ASTN2: variants seen among roughly 807,000 people sequenced by gnomAD.
The protein encoded by ASTN2 is astrotactin 2, also known as astrotactin-2.
In ASTN2, 54 loss-of-function variants were observed where a neutral mutation model predicts 139.8. The observed-to-expected ratio is 0.39, with a 90% CI of 0.31 to 0.48. The LOEUF is 0.48. ASTN2 is among the 20% of genes least tolerant of loss of function. The probability of loss-of-function intolerance (pLI) is 0.95; values close to 1 mark genes in which losing one functional copy is unlikely to be tolerated. For synonymous variants in ASTN2, 756 were observed against 719.5 expected, an observed-to-expected ratio of 1.05 and a Z score of -0.81; for missense variants, 1,565 against 1,725.1, an observed-to-expected ratio of 0.91 and a Z score of 1.64.
At position 116,698,114 on chromosome 9, in the gene ASTN2, G is replaced by T. The variant is rs1006657999; in HGVS notation, c.2806+27657C>A. On this transcript the variant is annotated intron_variant, in intron 16 of 22. Coordinates refer to ENST00000313400, the MANE Select transcript of ASTN2 (RefSeq NM_001365068.1). The surrounding 1 kb of genome is among the most constrained non-coding windows in gnomAD (Gnocchi z 4.4). ...GTTTGGTGTTATGTGAGCCCTGCCG[G>T]GAGGCAGACCATCAGCCTCCTGGCC... 6.2e-7 allele frequency: 1 copy of T among 1,613,964 alleles called. No individual in the cohort carries two copies. The highest frequency in any genetic ancestry group is 8.5e-7 in the Non-Finnish European group (1 of 1,180,046).
In ASTN2 at chr9:116,820,617, C is replaced by A. The variant is rs994598902; in HGVS notation, c.2207G>T (p.Gly736Val). The change falls in exon 12 of 23, where the codon GGT becomes GTT. Residue 736 changes from glycine (G) to valine (V), a missense_variant and splice_region_variant. This residue lies in a region of ASTN2 where 503 missense variants were observed against 591.7 expected (regional missense o/e 0.85). Coordinates refer to ENST00000313400, the MANE Select transcript of ASTN2 (RefSeq NM_001365068.1). Reference protein sequence around the residue: ...ATSSTIFMFCGCVEEYKLAPD... With the variant: ...ATSSTIFMFCVCVEEYKLAPD... The stretch of plus-strand genomic sequence containing the variant: ...CTGGGCCTTGGGGACAGAGACTCAC[C>A]CGCAGAACATGAAGATGGTGCTCGA... 6.2e-7 allele frequency: 1 copy of A among 1,613,142 alleles called. No individual in the cohort carries two copies. The highest frequency in any genetic ancestry group is 8.5e-7 in the Non-Finnish European group (1 of 1,179,526).
chr9:117,361,420 C>T (rs1829689849), intron 1 of ASTN2, among the ~76,000 whole-genome samples: 1 of 152,158 alleles, frequency 6.6e-6, no homozygotes, highest in Non-Finnish European at 1.5e-5. Flanking sequence ...CTGGACAAGT[C>T]ATTTCATTGT....
Position 116,455,660 on chromosome 9 carries a change from A to T in ASTN2, c.3498-13107T>A, listed in dbSNP as rs77669166. 0.013 allele frequency among the ~76,000 whole-genome samples: 1,964 copies of T among 152,146 alleles called. 180 individuals are homozygous for T. The South Asian group carries it at 0.21, about 16-fold the overall frequency. On this transcript the variant is annotated intron_variant, in intron 20 of 22. Coordinates refer to ENST00000313400, the MANE Select transcript of ASTN2 (RefSeq NM_001365068.1). ...AAAAGGTAATTTGGAAAATTCCCTG[A>T]AAGTACTACTACTGGTAAACTCTGA...
At chr9:116,972,715 AAGTTG>A (rs1836244498) in intron 10 of ASTN2, among the ~76,000 whole-genome samples, 1 of 152,170 alleles carries the variant, frequency 6.6e-6, no homozygotes, top group Non-Finnish European at 1.5e-5. Context: ...TTTAACTACT[AAGTTG>A]TTCTGCCTAC....
Position 117,196,803 on chromosome 9 carries a change from C to T in ASTN2, c.1015+17555G>A, listed in dbSNP as rs147136197. On this transcript the variant is annotated intron_variant, in intron 3 of 22. Coordinates refer to ENST00000313400, the MANE Select transcript of ASTN2 (RefSeq NM_001365068.1). The stretch of plus-strand genomic sequence containing the variant: ...AATTATGCATATAAAATGATAACAA[C>T]GATATAGATAAAGACCAGAAGCACC... 9.8e-3 allele frequency among the ~76,000 whole-genome samples: 1,496 copies of T among 152,176 alleles called. 26 individuals carry two copies. The highest frequency in any genetic ancestry group is 0.035 in the African/African-American group (1,435 of 41,506).
chr9:116,483,683 G>T (rs1165274729), intron 20 of ASTN2, among the ~76,000 whole-genome samples: 1 of 152,126 alleles, frequency 6.6e-6, no homozygotes, highest in African/African-American at 2.4e-5. Flanking sequence ...GACGCAGAGA[G>T]GCACAGTAGT....
chr9:117,228,480 C>T (rs1349577515), intron 2 of ASTN2, among the ~76,000 whole-genome samples: 5 of 152,018 alleles, frequency 3.3e-5, no homozygotes, highest in African/African-American at 1.2e-4. Flanking sequence ...TCAGGATCTC[C>T]CCTACCGGGC....
rs549904316 is a variant in ASTN2, at chr9:117,260,747, T to C, written c.630+30579A>G. 4.6e-5 allele frequency among the ~76,000 whole-genome samples: 7 copies of C among 152,318 alleles called. No individual in the cohort carries two copies. In the South Asian group the frequency reaches 1.5e-3, roughly 32 times the overall value. Reference sequence around the variant, plus strand: ...TGACCTGGAGCCATCTATTTCTCTCTGAACTTTAGCTTTCTCTGTTGTGGA... The same window carrying C: ...TGACCTGGAGCCATCTATTTCTCTCCGAACTTTAGCTTTCTCTGTTGTGGA... On this transcript the variant is annotated intron_variant, in intron 2 of 22. Coordinates refer to ENST00000313400, the MANE Select transcript of ASTN2 (RefSeq NM_001365068.1).
At chr9:117,328,635 G>A (rs1205626018) in intron 1 of ASTN2, among the ~76,000 whole-genome samples, 2 of 152,176 alleles carry the variant, frequency 1.3e-5, no homozygotes, top group African/African-American at 4.8e-5. Flanking sequence ...GAGAGGGACT[G>A]CTTAGTGGCC....
At chr9:116,777,930 C>T (rs1258508173) in intron 13 of ASTN2, among the ~76,000 whole-genome samples, 1 of 152,074 alleles carries the variant, frequency 6.6e-6, no homozygotes, top group Non-Finnish European at 1.5e-5. Context: ...GCAACCTCCA[C>T]CTCCCGGGTT....
chr9:116,636,118 G>T (rs865798021), intron 17 of ASTN2, among the ~76,000 whole-genome samples: 1 of 152,100 alleles, frequency 6.6e-6, no homozygotes, highest in Non-Finnish European at 1.5e-5. Flanking sequence ...ACAAACAAGG[G>T]TTTAAATCTT....
chr9:117,393,857 T>C (rs1402147791), intron 1 of ASTN2, among the ~76,000 whole-genome samples: 1 of 151,732 alleles, frequency 6.6e-6, no homozygotes, highest in Non-Finnish European at 1.5e-5. Flanking sequence ...ATGGGCAAGC[T>C]CTGGGATATG....
intron 17 of ASTN2, among the ~76,000 whole-genome samples, chr9:116,622,477 T>TAAA (rs1856210852): frequency 6.6e-6 from 1 of 152,220 alleles, no homozygotes; most frequent in Non-Finnish European, 1.5e-5. Flanking sequence ...CATTAAAATG[T>TAAA]AATCATCACA....
chr9:116,735,160 A>G (rs1347880958), intron 13 of ASTN2, among the ~76,000 whole-genome samples: 1 of 152,208 alleles, frequency 6.6e-6, no homozygotes, highest in African/African-American at 2.4e-5. Context: ...ATGCACGTGC[A>G]TGATGGTGAG....
chr9:117,174,167 A>AT (rs1177381827), intron 3 of ASTN2, among the ~76,000 whole-genome samples: 1 of 150,286 alleles, frequency 6.7e-6, no homozygotes, highest in Admixed American at 6.7e-5. Flanking sequence ...AGATAGATAG[A>AT]TAGATTAGAT....
chr9:116,930,340 G>A (rs1834863762), intron 10 of ASTN2, among the ~76,000 whole-genome samples: 1 of 152,134 alleles, frequency 6.6e-6, no homozygotes, highest in Admixed American at 6.5e-5. Context: ...GACTCTGAAT[G>A]ACCTAGCCCC....
At chr9:116,792,537 T>C (rs1830585977) in intron 13 of ASTN2, among the ~76,000 whole-genome samples, 1 of 152,210 alleles carries the variant, frequency 6.6e-6, no homozygotes, top group South Asian at 2.1e-4. Context: ...GTGCCTTCTC[T>C]GTTGGCACTG....
At chr9:116,448,059 C>A (rs1848056676) in intron 20 of ASTN2, among the ~76,000 whole-genome samples, 2 of 152,196 alleles carry the variant, frequency 1.3e-5, no homozygotes, top group South Asian at 2.1e-4. Flanking sequence ...AGGCCTGGGT[C>A]CCCGAGAGTA....
chr9:116,516,296 T>A (rs1330394554), intron 19 of ASTN2, among the ~76,000 whole-genome samples: 1 of 152,148 alleles, frequency 6.6e-6, no homozygotes, highest in Non-Finnish European at 1.5e-5. Context: ...ACAAAATGGG[T>A]CTTCTGTCTT....
Sources: allele counts gnomAD v4.1 joint callset (sites outside exome capture counted in the v4.1 genomes callset), GRCh38; gene constraint gnomAD v4.1.1; regional missense constraint gnomAD v4.1.1; non-coding constraint Gnocchi (gnomAD v3.1); transcripts MANE v1.5; gene names NCBI Gene and HGNC (gene_info 2026-07-23, HGNC 2026-07-21).